Variants in RASAL2 observed in about 807,000 individuals in gnomAD.
RASAL2 encodes ras GTPase-activating protein nGAP.
RASAL2 carries 58 observed loss-of-function variants against 128.9 expected under a neutral mutation model. That is an observed-to-expected ratio of 0.45 (90% CI 0.36 to 0.56). The LOEUF is 0.56. RASAL2 is among the 20% of genes least tolerant of loss of function. RASAL2 has a pLI of 0.00. For missense variants in RASAL2, 1,360 were observed against 1,601.6 expected, an observed-to-expected ratio of 0.85 and a Z score of 2.57; for synonymous variants, 561 against 580.8, an observed-to-expected ratio of 0.97 and a Z score of 0.49.
intron 1 of RASAL2, among the ~76,000 whole-genome samples, chr1:178,175,437 CGTGTGTGT>C (rs1158552851): frequency 1.9e-4 from 27 of 144,332 alleles, no homozygotes; most frequent in South Asian, 6.8e-4. Flanking sequence ...TACATGGTTA[CGTGTGTGT>C]GTGTGTGTGT....
At chr1:178,357,361 T>A (rs1238710617) in intron 3 of RASAL2, among the ~76,000 whole-genome samples, 1 of 152,098 alleles carries the variant, frequency 6.6e-6, no homozygotes, top group Non-Finnish European at 1.5e-5. Context: ...TTTTTTTTTT[T>A]TCGAATGGTC....
chr1:178,405,347 T>C (rs1247985007), intron 4 of RASAL2, among the ~76,000 whole-genome samples: 1 of 152,224 alleles, frequency 6.6e-6, no homozygotes, highest in Non-Finnish European at 1.5e-5. Flanking sequence ...AGTAGAATAG[T>C]GGTTCCTCCC....
intron 3 of RASAL2, among the ~76,000 whole-genome samples, chr1:178,367,594 A>G (rs1671471729): frequency 6.6e-6 from 1 of 152,138 alleles, no homozygotes; most frequent in Admixed American, 6.5e-5. Context: ...ATATTGTTGA[A>G]TGAATGAATC....
intron 5 of RASAL2, among the ~76,000 whole-genome samples, chr1:178,427,863 T>G (rs1675623023): frequency 2.0e-5 from 3 of 152,084 alleles, no homozygotes; most frequent in Admixed American, 2.0e-4. Flanking sequence ...ATGATCAAGA[T>G]AAAGAACTGT....
chr1:178,235,671 G>A (rs1664202280), intron 1 of RASAL2, among the ~76,000 whole-genome samples: 1 of 152,084 alleles, frequency 6.6e-6, no homozygotes, highest in African/African-American at 2.4e-5. Flanking sequence ...AAGCTCTTAA[G>A]ACTGAAATGT....
intron 3 of RASAL2, among the ~76,000 whole-genome samples, chr1:178,304,784 A>C (rs1457578800): frequency 6.6e-6 from 1 of 152,220 alleles, no homozygotes; most frequent in Non-Finnish European, 1.5e-5. Flanking sequence ...TTGTTATAGT[A>C]CTGGAAGTCC....
chr1:178,204,091 A>G (rs772039077), intron 1 of RASAL2, among the ~76,000 whole-genome samples: 19 of 152,224 alleles, frequency 1.2e-4, no homozygotes, highest in Non-Finnish European at 2.4e-4. Context: ...CATAATTGTC[A>G]TGAGTATTTT....
chr1:178,353,993 T>C (rs1316605201), intron 3 of RASAL2, among the ~76,000 whole-genome samples: 3 of 151,890 alleles, frequency 2.0e-5, no homozygotes, highest in Non-Finnish European at 4.4e-5. Flanking sequence ...AGAAGGAAGA[T>C]ACATTTTCAA....
chr1:178,304,550 A>G (rs1435490574), intron 3 of RASAL2, among the ~76,000 whole-genome samples: 1 of 152,086 alleles, frequency 6.6e-6, no homozygotes, highest in Non-Finnish European at 1.5e-5. Context: ...AAAACCACAC[A>G]TTAGATTAAG....
chr1:178,454,047 T>TA (rs1558002790), intron 11 of RASAL2, among the ~76,000 whole-genome samples: 1 of 152,006 alleles, frequency 6.6e-6, no homozygotes, highest in Admixed American at 6.6e-5. Context: ...CTAGTGCAAG[T>TA]AAATAGCATG....
In RASAL2 at chr1:178,478,315, C is replaced by T. The variant is rs953753232; in HGVS notation, c.*5076C>T. ...TTCCAAATTTTCGAGGGAAACATTT[C>T]AATTCCCAGTTCAACAAAAGGTTAA... On this transcript the variant is annotated 3_prime_UTR_variant, in exon 18 of 18. Transcript: ENST00000367649. The T allele has an allele frequency of 4.6e-5, 7 of 152,134 alleles. No individual in the cohort carries two copies. The highest frequency in any genetic ancestry group is 7.2e-5 in the African/African-American group (3 of 41,426). 9.4% of individuals were successfully genotyped at this position (152,134 alleles called of 1,614,324 possible).
intron 1 of RASAL2, among the ~76,000 whole-genome samples, chr1:178,236,051 C>T (rs571791069): frequency 2.0e-5 from 3 of 151,908 alleles, no homozygotes; most frequent in African/African-American, 7.2e-5. Context: ...CTCCTGCCTA[C>T]CAGTATTTTT....
At chr1:178,293,499 T>G (rs1667370608) in intron 2 of RASAL2, among the ~76,000 whole-genome samples, 2 of 152,220 alleles carry the variant, frequency 1.3e-5, no homozygotes, top group Non-Finnish European at 2.9e-5. Flanking sequence ...GTGCTCCCCA[T>G]GCGTGGTCTG....
At chr1:178,302,169 A>G (rs540158214) in intron 3 of RASAL2, among the ~76,000 whole-genome samples, 3 of 152,332 alleles carry the variant, frequency 2.0e-5, no homozygotes, top group African/African-American at 2.4e-5. Context: ...TCTTTAGCCA[A>G]AATTTCTGCT....
At chr1:178,421,200 A>G (rs12085492) in intron 5 of RASAL2, among the ~76,000 whole-genome samples, 5,819 of 152,094 alleles carry the variant, frequency 0.038, 366 homozygotes, top group African/African-American at 0.13. Flanking sequence ...TGTATAGCAT[A>G]TGAAATTGGC....
At chr1:178,111,823 G>A (rs1558059185) in intron 1 of RASAL2, among the ~76,000 whole-genome samples, 1 of 152,072 alleles carries the variant, frequency 6.6e-6, no homozygotes, top group African/African-American at 2.4e-5. Context: ...TCCGCCTCCC[G>A]GGTTCAAGCG....
At chr1:178,173,890 T>C (rs1268094767) in intron 1 of RASAL2, among the ~76,000 whole-genome samples, 3 of 114,570 alleles carry the variant, frequency 2.6e-5, no homozygotes, top group Non-Finnish European at 5.3e-5. Context: ...ATATCAGTTA[T>C]GAAAAACAAG....
intron 1 of RASAL2, among the ~76,000 whole-genome samples, chr1:178,162,411 TTATA>T: frequency 8.5e-6 from 1 of 118,130 alleles, no homozygotes; most frequent in Admixed American, 1.1e-4. Flanking sequence ...ATTTTATATA[TTATA>T]TATAATATTA....
Position 178,467,325 on chromosome 1 carries a change from A to T in RASAL2, c.3591-9A>T. Reference sequence around the variant, plus strand: ...AAGATGTTGATATTTCCTTCCTGCCACATTCTAGGCTAATGGCTGTGGAAG... The same window carrying T: ...AAGATGTTGATATTTCCTTCCTGCCTCATTCTAGGCTAATGGCTGTGGAAG... On this transcript the variant is annotated splice_polypyrimidine_tract_variant and intron_variant, in intron 16 of 17. Coordinates refer to ENST00000367649, the MANE Select transcript of RASAL2 (RefSeq NM_170692.4). 6.2e-7 allele frequency: 1 copy of T among 1,612,550 alleles called. No homozygotes were observed. Among genetic ancestry groups the T allele is most frequent in the South Asian group, 1.1e-5 (1 of 91,048 alleles).
Sources: gnomAD v4.1 joint callset for allele counts (sites outside exome capture counted in the v4.1 genomes callset) on GRCh38, gnomAD v4.1.1 for gene constraint, MANE v1.5 for transcripts, NCBI Gene and HGNC (gene_info 2026-07-23, HGNC 2026-07-21) for gene names.